The following POLR3B variants were observed in gnomAD, a reference collection of about 807,000 sequenced individuals.
POLR3B encodes RNA polymerase III subunit B, also known as DNA-directed RNA polymerase III subunit RPC2.
Under a neutral mutation model 147.4 loss-of-function variants are expected in POLR3B, and 96 were observed. The ratio of observed to expected loss-of-function variants is 0.65; its 90% CI spans 0.55 to 0.77. POLR3B has a LOEUF of 0.77. POLR3B is among the 30% of genes least tolerant of loss of function. The pLI is 0.00. For synonymous variants in POLR3B, 461 were observed against 485.9 expected, an observed-to-expected ratio of 0.95 and a Z score of 0.67; for missense variants, 1,036 against 1,413.5, an observed-to-expected ratio of 0.73 and a Z score of 4.28.
chr12:106,370,654 CAG>C (rs1167150503), intron 6 of POLR3B, among the ~76,000 whole-genome samples: 2 of 131,792 alleles, frequency 1.5e-5, no homozygotes, highest in African/African-American at 5.8e-5. Flanking sequence ...TTTTTTGAGA[CAG>C]AGTCTTACTC....
intron 6 of POLR3B, among the ~76,000 whole-genome samples, chr12:106,376,066 A>G (rs960882441): frequency 3.9e-5 from 6 of 152,118 alleles, no homozygotes; most frequent in Admixed American, 6.5e-5. Context: ...GGCTGCTCTC[A>G]AACTCCTGGC....
At chr12:106,507,940 C>T (rs1860573558) in intron 27 of POLR3B, 1 of 366,586 alleles carries the variant, frequency 2.7e-6, no homozygotes, top group African/African-American at 2.1e-5. Flanking sequence ...CCACTATTAA[C>T]ATTTTGGTGA....
chr12:106,421,080 A>G (rs1039089273), intron 12 of POLR3B, among the ~76,000 whole-genome samples: 3 of 152,096 alleles, frequency 2.0e-5, no homozygotes, highest in South Asian at 2.1e-4. Flanking sequence ...TCTTCTTTCA[A>G]CATTAAGATG....
intron 12 of POLR3B, among the ~76,000 whole-genome samples, chr12:106,422,750 T>C (rs2037388441): frequency 6.6e-6 from 1 of 152,198 alleles, no homozygotes; most frequent in African/African-American, 2.4e-5. Context: ...TATTCATTAG[T>C]ACCTTTACCT....
chr12:106,466,897 C>G lies in POLR3B; in HGVS notation c.2713+3277C>G, dbSNP rs139361391. ...AAGTCAGGTAGCCTGATGCCTCCAG[C>G]TTTGTTCTTCTTGCCCAGGATTGTC... On this transcript the variant is annotated intron_variant, in intron 23 of 27. Transcript: ENST00000228347. 8.8e-3 allele frequency among the ~76,000 whole-genome samples: 1,343 copies of G among 152,286 alleles called. 20 individuals are homozygous for G. The highest frequency in any genetic ancestry group is 0.03 in the African/African-American group (1,252 of 41,552).
intron 18 of POLR3B, among the ~76,000 whole-genome samples, chr12:106,440,667 T>C (rs895465192): frequency 6.6e-6 from 1 of 152,056 alleles, no homozygotes; most frequent in African/African-American, 2.4e-5. Flanking sequence ...CTCGTGAGAT[T>C]TTTCTGACCA....
intron 19 of POLR3B, among the ~76,000 whole-genome samples, chr12:106,446,584 C>T (rs1452081434): frequency 1.3e-5 from 2 of 151,694 alleles, no homozygotes; most frequent in East Asian, 3.9e-4. Flanking sequence ...TTTTTTTTCT[C>T]GTTTTGTTTT....
At chr12:106,402,829 C>A (rs1231310322) in intron 10 of POLR3B, among the ~76,000 whole-genome samples, 10 of 152,226 alleles carry the variant, frequency 6.6e-5, no homozygotes, top group African/African-American at 2.2e-4. Flanking sequence ...TAAAGACTTA[C>A]ATGTTAGACC....
chr12:106,498,335 A>T (rs2137078954), intron 25 of POLR3B, among the ~76,000 whole-genome samples: 1 of 152,320 alleles, frequency 6.6e-6, no homozygotes, highest in East Asian at 1.9e-4. Flanking sequence ...GGAGGGGAAG[A>T]AGAGCCAGGC....
chr12:106,358,227 G>A, intron 1 of POLR3B: 1 of 1,392,230 alleles, frequency 7.2e-7, no homozygotes, highest in East Asian at 2.8e-5. Context: ...GCATAGGTGT[G>A]CGTGGGGAGG....
At chr12:106,369,108 A>G (rs1481778475) in intron 4 of POLR3B, among the ~76,000 whole-genome samples, 167 bp from the exon 5 acceptor site, 1 of 152,208 alleles carries the variant, frequency 6.6e-6, no homozygotes, top group Non-Finnish European at 1.5e-5. Flanking sequence ...GTAAAGCTAT[A>G]TGTACTATCA....
intron 2 of POLR3B, 32 bp downstream of exon 2, chr12:106,363,934 A>AT: frequency 6.7e-7 from 1 of 1,495,624 alleles, no homozygotes; most frequent in South Asian, 1.2e-5. Context: ...ATAATTGGTT[A>AT]TTTTTCAGAT....
rs550782200 is a variant in POLR3B, at chr12:106,365,046, A to T, written c.105+1144A>T. ...GCTACTTGGGAGGATAAGGCAGGAG[A>T]ATAGCTTGAACCTGGGAGGCAGAGG... is the stretch of plus-strand genomic sequence containing the variant. On this transcript the variant is annotated intron_variant, in intron 2 of 27. Coordinates refer to ENST00000228347, the MANE Select transcript of POLR3B (RefSeq NM_018082.6). 4.4e-4 allele frequency among the ~76,000 whole-genome samples: 67 copies of T among 152,140 alleles called. 1 individual carries two copies. The South Asian group carries it at 0.013, about 30-fold the overall frequency.
intron 1 of POLR3B, among the ~76,000 whole-genome samples, chr12:106,359,330 T>A (rs2036433329): frequency 1.1e-5 from 1 of 93,142 alleles, no homozygotes; most frequent in South Asian, 4.1e-4. Context: ...CAGGCAAAAC[T>A]ATTTTTTTTT....
chr12:106,389,291 A>G (rs994181474), intron 9 of POLR3B, among the ~76,000 whole-genome samples: 1 of 152,214 alleles, frequency 6.6e-6, no homozygotes, highest in Non-Finnish European at 1.5e-5. Flanking sequence ...GACTTGATAT[A>G]GGAAGAGTTT....
intron 1 of POLR3B, 48 bp downstream of exon 1, chr12:106,357,999 A>AG (rs752326912): frequency 1.2e-6 from 2 of 1,602,294 alleles, no homozygotes; most frequent in East Asian, 2.2e-5. Context: ...ATGCGCCCTG[A>AG]GGGGGCGTTG....
intron 9 of POLR3B, 42 bp downstream of exon 9, chr12:106,380,181 C>T: frequency 8.9e-7 from 1 of 1,118,230 alleles, no homozygotes. Context: ...AGAATTCTTT[C>T]TCTGGTTTAT....
chr12:106,478,506 A>G (rs1477885855), intron 23 of POLR3B, among the ~76,000 whole-genome samples: 1 of 150,904 alleles, frequency 6.6e-6, no homozygotes, highest in Non-Finnish European at 1.5e-5. Flanking sequence ...TTGTCTTGCT[A>G]CTTTTTTTTT....
At chr12:106,403,406 T>G (rs2037100674) in intron 10 of POLR3B, among the ~76,000 whole-genome samples, 4 of 150,500 alleles carry the variant, frequency 2.7e-5, no homozygotes, top group African/African-American at 9.8e-5. Context: ...GTGTGGCGAT[T>G]CCTCAGGGAT....
Sources: gnomAD v4.1 joint callset for allele counts (sites outside exome capture counted in the v4.1 genomes callset) on GRCh38, gnomAD v4.1.1 for gene constraint, MANE v1.5 for transcripts, NCBI Gene and HGNC (gene_info 2026-07-23, HGNC 2026-07-21) for gene names.